CTIF: variants seen among roughly 807,000 people sequenced by gnomAD.
The protein encoded by CTIF is CBP80/20-dependent translation initiation factor.
A neutral mutation model predicts 66.0 loss-of-function variants in CTIF; 21 were observed. The ratio of observed to expected loss-of-function variants is 0.32; its 90% CI spans 0.23 to 0.46. The LOEUF (loss-of-function observed/expected upper bound fraction) is 0.46, where lower values mean the gene tolerates loss of function less well. CTIF is among the 20% of genes least tolerant of loss of function. The pLI is 1.00. For missense variants in CTIF, 739 were observed against 812.7 expected, an observed-to-expected ratio of 0.91 and a Z score of 1.10; for synonymous variants, 345 against 326.4, an observed-to-expected ratio of 1.06 and a Z score of -0.62.
intron 1 of CTIF, among the ~76,000 whole-genome samples, chr18:48,593,603 C>T (rs943336811): frequency 1.7e-4 from 26 of 151,796 alleles, no homozygotes; most frequent in African/African-American, 5.8e-4. Flanking sequence ...AGGATGGTCT[C>T]GATCTCCTGA....
At chr18:48,657,570 G>C (rs1462981749) in intron 3 of CTIF, among the ~76,000 whole-genome samples, 1 of 152,146 alleles carries the variant, frequency 6.6e-6, no homozygotes, top group African/African-American at 2.4e-5. Context: ...GGGGAGCTCT[G>C]CAGTACAACA....
At chr18:48,832,783 T>C (rs1484493936) in intron 10 of CTIF, among the ~76,000 whole-genome samples, 1 of 152,222 alleles carries the variant, frequency 6.6e-6, no homozygotes, top group Non-Finnish European at 1.5e-5. Flanking sequence ...GCAAACACAC[T>C]TGTGGAAATG....
At chr18:48,584,065 C>T (rs1599185655) in intron 1 of CTIF, among the ~76,000 whole-genome samples, 2 of 152,080 alleles carry the variant, frequency 1.3e-5, no homozygotes, top group Non-Finnish European at 1.5e-5. Context: ...TTGAAGAAAG[C>T]GGCCCCTGCC....
intron 6 of CTIF, among the ~76,000 whole-genome samples, chr18:48,708,312 C>T (rs538695754): frequency 2.0e-5 from 3 of 152,360 alleles, no homozygotes; most frequent in Non-Finnish European, 4.4e-5. Context: ...CACTTGCCCC[C>T]TGTTAACACC....
At chr18:48,703,711 G>A (rs926490073) in intron 6 of CTIF, among the ~76,000 whole-genome samples, 1 of 152,158 alleles carries the variant, frequency 6.6e-6, no homozygotes, top group Admixed American at 6.5e-5. Context: ...TGAGCTCTGC[G>A]GGGCACTTCA....
intron 6 of CTIF, 64 bp from the exon 7 acceptor site, chr18:48,711,555 C>A (rs2092223351): frequency 6.8e-6 from 9 of 1,314,828 alleles, no homozygotes; most frequent in Non-Finnish European, 8.8e-6. Context: ...TAGTGCAGTC[C>A]CAGAGGTGCT....
chr18:48,565,430 G>A (rs545093377), intron 1 of CTIF: 21 of 152,220 alleles, frequency 1.4e-4, no homozygotes, highest in African/African-American at 4.6e-4. Flanking sequence ...CCTGCCTTGG[G>A]GCATGTGGGA....
chr18:48,723,218 C>T (rs1444748693), intron 7 of CTIF, among the ~76,000 whole-genome samples: 2 of 152,136 alleles, frequency 1.3e-5, no homozygotes, highest in African/African-American at 4.8e-5. Flanking sequence ...CATACTCCCC[C>T]TGTTAACCAC....
chr18:48,829,324 G>A (rs1343712086), intron 10 of CTIF, among the ~76,000 whole-genome samples: 1 of 152,138 alleles, frequency 6.6e-6, no homozygotes, highest in Middle Eastern at 3.2e-3. Context: ...AAACACTAGG[G>A]GAGCCAGGCT....
intron 6 of CTIF, among the ~76,000 whole-genome samples, chr18:48,682,030 C>T (rs2091754338): frequency 6.6e-6 from 1 of 152,262 alleles, no homozygotes; most frequent in African/African-American, 2.4e-5. Flanking sequence ...AGGTGATCCA[C>T]CTGCCTCGGC....
At chr18:48,719,604 T>C (rs193035363) in intron 7 of CTIF, among the ~76,000 whole-genome samples, 13 of 152,332 alleles carry the variant, frequency 8.5e-5, no homozygotes, top group Admixed American at 8.5e-4. Flanking sequence ...CAGTCAGTCA[T>C]TGACACACAA....
At chr18:48,739,762 A>G (rs547191712) in intron 7 of CTIF, among the ~76,000 whole-genome samples, 1 of 152,300 alleles carries the variant, frequency 6.6e-6, no homozygotes, top group East Asian at 1.9e-4. Flanking sequence ...TGTGGTTTCA[A>G]AGCTCACAAA....
chr18:48,670,929 CGT>C (rs939471461), intron 6 of CTIF, among the ~76,000 whole-genome samples, 185 bp downstream of exon 6: 8 of 152,128 alleles, frequency 5.3e-5, no homozygotes, highest in African/African-American at 1.9e-4. Flanking sequence ...CCATTGTGAT[CGT>C]GTGTGTGACA....
intron 10 of CTIF, among the ~76,000 whole-genome samples, chr18:48,844,451 C>T (rs962915127): frequency 1.3e-5 from 2 of 152,228 alleles, no homozygotes; most frequent in African/African-American, 4.8e-5. Context: ...AGCCCCCGGG[C>T]CAGCTGTGGG....
At chr18:48,719,001 G>A (rs997016636) in intron 7 of CTIF, among the ~76,000 whole-genome samples, 31 of 152,182 alleles carry the variant, frequency 2.0e-4, no homozygotes, top group Non-Finnish European at 8.8e-5. Flanking sequence ...TCTTGCAGAA[G>A]GCAAACTTGG....
intron 6 of CTIF, among the ~76,000 whole-genome samples, chr18:48,683,515 C>G (rs564618877): frequency 2.0e-5 from 3 of 151,514 alleles, no homozygotes; most frequent in Admixed American, 6.6e-5. Flanking sequence ...AAGCCTTCAC[C>G]CCCCTTGCCC....
At chr18:48,604,301 C>T (rs895210729) in intron 1 of CTIF, among the ~76,000 whole-genome samples, 6 of 150,370 alleles carry the variant, frequency 4.0e-5, no homozygotes, top group Middle Eastern at 3.4e-3. Flanking sequence ...CTCAGCCTCC[C>T]GATTAGCTGG....
intron 10 of CTIF, among the ~76,000 whole-genome samples, chr18:48,846,933 G>A (rs2146592115): frequency 6.6e-6 from 1 of 152,210 alleles, no homozygotes; most frequent in African/African-American, 2.4e-5. Context: ...ATAGGTAGTG[G>A]CCAATACAGA....
chr18:48,688,756 C>G (rs536664148), intron 6 of CTIF, among the ~76,000 whole-genome samples: 1 of 152,308 alleles, frequency 6.6e-6, no homozygotes, highest in East Asian at 1.9e-4. Context: ...ACAAGGCTCA[C>G]AGGACATCTG....
Sources: gnomAD v4.1 joint callset for allele counts (sites outside exome capture counted in the v4.1 genomes callset) on GRCh38, gnomAD v4.1.1 for gene constraint, MANE v1.5 for transcripts, NCBI Gene and HGNC (gene_info 2026-07-23, HGNC 2026-07-21) for gene names.